The following ZNF184 variants were observed in gnomAD, a reference collection of about 807,000 sequenced individuals.
The protein encoded by ZNF184 is zinc finger protein 184 (Kruppel-like).
ZNF184 carries 16 observed loss-of-function variants against 54.4 expected under a neutral mutation model. The observed-to-expected ratio is 0.29, with a 90% CI of 0.20 to 0.45. The LOEUF (loss-of-function observed/expected upper bound fraction) is 0.45. ZNF184 is among the 20% of genes least tolerant of loss of function. ZNF184 has a pLI of 1.00. For missense variants in ZNF184, 681 were observed against 888.2 expected, an observed-to-expected ratio of 0.77 and a Z score of 2.97; for synonymous variants, 254 against 295.3, an observed-to-expected ratio of 0.86 and a Z score of 1.43.
Position 27,452,098 on chromosome 6 carries a change from T to G in ZNF184, c.1461A>C (p.Ser487=), listed in dbSNP as rs1762742705. Residue 487 remains serine, a synonymous_variant, in exon 6 of 6, where the codon TCA becomes TCC. Transcript: ENST00000683788. This position sits in a 1 kb window ranked among gnomAD's most constrained non-coding sequence, Gnocchi z 5.5. ...NECGKAFSYC[S]SLTQHRRIHT... is the part of the protein sequence containing the mutation. ...GAATTCTCCGATGTTGAGTAAGGGA[T>G]GAGCAGTAACTGAAGGCCTTTCCAC... 1 of 1,613,918 alleles carries G rather than the reference T, an allele frequency of 6.2e-7. No individual in the cohort carries two copies. The highest frequency in any genetic ancestry group is 8.5e-7 in the Non-Finnish European group (1 of 1,179,998).
chr6:27,472,406 A>G lies in ZNF184; in HGVS notation c.-112T>C, dbSNP rs1763300554. 2 of 1,364,836 alleles carry G rather than the reference A, an allele frequency of 1.5e-6. No homozygotes were observed. Among genetic ancestry groups the G allele is most frequent in the Admixed American group, 3.6e-5 (2 of 55,504 alleles). The allele number at this position is 1,364,836 out of a possible 1,614,324, so 84.5% of individuals were successfully genotyped here. Reference sequence around the variant, plus strand: ...CAGATGTCTAACTCCCCTTGCAGGGAATCTGCAACACGCTGAGGTTGTCTA... The same window carrying G: ...CAGATGTCTAACTCCCCTTGCAGGGGATCTGCAACACGCTGAGGTTGTCTA... On this transcript the variant is annotated 5_prime_UTR_variant, in exon 2 of 6. Transcript: ENST00000683788. The surrounding 1 kb of genome is among the most constrained non-coding windows in gnomAD (Gnocchi z 4.8).
the ZNF184 span, among the ~76,000 whole-genome samples, chr6:27,434,161 C>A: frequency 2.0e-5 from 3 of 152,150 alleles, no homozygotes; most frequent in Non-Finnish European, 2.9e-5. Flanking sequence ...GCTAAGACTA[C>A]ATTTGCTTTC....
the ZNF184 span, among the ~76,000 whole-genome samples, chr6:27,413,281 C>T: frequency 6.6e-6 from 1 of 151,922 alleles, no homozygotes; most frequent in African/African-American, 2.4e-5. Context: ...GAAAAAAAAA[C>T]AGATTTAAGA....
At chr6:27,424,525 C>T in the ZNF184 span, among the ~76,000 whole-genome samples, 1 of 152,172 alleles carries the variant, frequency 6.6e-6, no homozygotes, top group Non-Finnish European at 1.5e-5. Context: ...TCCACCTCCC[C>T]ACCAGATTAG....
intron 3 of ZNF184, among the ~76,000 whole-genome samples, chr6:27,463,768 A>G (rs1362239034): frequency 6.6e-6 from 1 of 152,196 alleles, no homozygotes; most frequent in African/African-American, 2.4e-5. Flanking sequence ...ACACTGGAGC[A>G]ATATCAAATA....
At chr6:27,464,893 A>T (rs1010031839) in intron 3 of ZNF184, among the ~76,000 whole-genome samples, 9 of 151,196 alleles carry the variant, frequency 6.0e-5, no homozygotes, top group Non-Finnish European at 1.2e-4. Context: ...GGCGAGCGCC[A>T]GTAGTCCTAG....
chr6:27,425,377 C>G, the ZNF184 span, among the ~76,000 whole-genome samples: 1 of 152,222 alleles, frequency 6.6e-6, no homozygotes, highest in East Asian at 1.9e-4. Flanking sequence ...ACTGCCAGCA[C>G]GCTGTCACCT....
rs1200373398 is a variant in ZNF184 at position 27,452,664 on chromosome 6, T to G, written c.895A>C (p.Ile299Leu). 1 of 1,613,928 alleles carries G rather than the reference T, an allele frequency of 6.2e-7. No homozygotes were observed. The change falls in exon 6 of 6, where the codon ATT becomes CTT. Residue 299 changes from isoleucine (I) to leucine (L), a missense_variant. Transcript: ENST00000683788. This position sits in a 1 kb window ranked among gnomAD's most constrained non-coding sequence, Gnocchi z 5.5. ...TTATATGGTTTTTCTCCAGTATGAA[T>G]TCTTTGATGTTGAGTAAGAGATGGA... ...EGPSLTQHQR[I>L]HTGEKPYKCD...
chr6:27,467,777 G>A (rs1763177043), intron 3 of ZNF184, 76 bp downstream of exon 3: 1 of 1,412,886 alleles, frequency 7.1e-7, no homozygotes. Context: ...TGGATAAATA[G>A]AAAAAACAAA....
intron 2 of ZNF184, among the ~76,000 whole-genome samples, chr6:27,468,501 T>C (rs1763198042): frequency 6.6e-6 from 1 of 152,200 alleles, no homozygotes; most frequent in African/African-American, 2.4e-5. Flanking sequence ...GACTATCCTA[T>C]GACTCAGCAA....
At chr6:27,433,516 G>A in the ZNF184 span, among the ~76,000 whole-genome samples, 1 of 152,030 alleles carries the variant, frequency 6.6e-6, no homozygotes, top group Non-Finnish European at 1.5e-5. Flanking sequence ...CCTAACTGCT[G>A]GAAACTGTAA....
At chr6:27,468,131 T>A (rs1246953686) in intron 2 of ZNF184, among the ~76,000 whole-genome samples, 2 of 152,228 alleles carry the variant, frequency 1.3e-5, no homozygotes, top group Non-Finnish European at 2.9e-5. Flanking sequence ...GATTCAGTTT[T>A]GTACCTAGAC....
the ZNF184 span, among the ~76,000 whole-genome samples, chr6:27,409,183 TTTTC>T: frequency 6.6e-6 from 1 of 152,134 alleles, no homozygotes; most frequent in African/African-American, 2.4e-5. Flanking sequence ...TAGAGACTTA[TTTTC>T]TTTCTTAAAG....
chr6:27,453,216 C>G lies in ZNF184; in HGVS notation c.343G>C (p.Asp115His). 1 of 1,612,770 alleles carries G rather than the reference C, an allele frequency of 6.2e-7. No homozygotes were observed. The highest frequency in any genetic ancestry group is 8.5e-7 in the Non-Finnish European group (1 of 1,179,482). ...GGAGATAGCTCTTCTTCAGAAATGTCAGGCTCTGGGGCTGACACACTATTT... is the reference window on the plus strand; with the variant it reads ...GGAGATAGCTCTTCTTCAGAAATGTGAGGCTCTGGGGCTGACACACTATTT... ...LENSVSAPEP[D>H]ISEEELSPEV... The change falls in exon 6 of 6, where the codon GAC becomes CAC. Residue 115 changes from aspartate (D) to histidine (H), a missense_variant. Physicochemically the swap from Asp to His is moderately conservative, Grantham distance 81. Coordinates refer to ENST00000683788, the MANE Select transcript of ZNF184 (RefSeq NM_001318891.2). The surrounding 1 kb of genome is among the most constrained non-coding windows in gnomAD (Gnocchi z 4.7).
chr6:27,419,296 CAG>C, the ZNF184 span, among the ~76,000 whole-genome samples: 1 of 152,064 alleles, frequency 6.6e-6, no homozygotes, highest in Non-Finnish European at 1.5e-5. This position sits in a 1 kb window ranked among gnomAD's most constrained non-coding sequence, Gnocchi z 4.8. Context: ...TCAGTAGAGA[CAG>C]GGTTTCGCCA....
chr6:27,471,750 G>C (rs951399700), intron 2 of ZNF184, among the ~76,000 whole-genome samples: 5 of 152,210 alleles, frequency 3.3e-5, no homozygotes, highest in Non-Finnish European at 7.4e-5. Flanking sequence ...AGAAAGAACA[G>C]ACAGTTTCCT....
chr6:27,430,087 A>G, the ZNF184 span, among the ~76,000 whole-genome samples: 1 of 152,164 alleles, frequency 6.6e-6, no homozygotes, highest in African/African-American at 2.4e-5. Flanking sequence ...GTTTGTACAG[A>G]TTTCCCTCAG....
intron 3 of ZNF184, among the ~76,000 whole-genome samples, chr6:27,463,836 C>G (rs1351776039): frequency 6.6e-6 from 1 of 151,918 alleles, no homozygotes; most frequent in Non-Finnish European, 1.5e-5. Flanking sequence ...ATAAAGACTT[C>G]TTTAGACATA....
Position 27,472,480 on chromosome 6 carries a change from C to G in ZNF184, c.-139-47G>C, listed in dbSNP as rs1340018866. On this transcript the variant is annotated intron_variant, in intron 1 of 5. Transcript: ENST00000683788. The surrounding 1 kb of genome is among the most constrained non-coding windows in gnomAD (Gnocchi z 4.8). The stretch of plus-strand genomic sequence containing the variant: ...CAGCAGCATACGTCACACAATCACA[C>G]ATCAGAGTCTTGCAAAGTGACCAAG... 1.5e-6 allele frequency: 1 copy of G among 671,038 alleles called. No individual in the cohort carries two copies. Among genetic ancestry groups the G allele is most frequent in the African/African-American group, 1.8e-5 (1 of 55,756 alleles). 41.6% of individuals were successfully genotyped at this position (671,038 alleles called of 1,614,324 possible).
Sources: allele counts gnomAD v4.1 joint callset (sites outside exome capture counted in the v4.1 genomes callset), GRCh38; gene constraint gnomAD v4.1.1; non-coding constraint Gnocchi (gnomAD v3.1); transcripts MANE v1.5; gene names NCBI Gene and HGNC (gene_info 2026-07-23, HGNC 2026-07-21).